TTC7A: variants seen among roughly 807,000 people sequenced by gnomAD.
TTC7A encodes tetratricopeptide repeat protein 7A.
TTC7A carries 110 observed loss-of-function variants against 103.7 expected under a neutral mutation model. The ratio of observed to expected loss-of-function variants is 1.06; its 90% CI spans 0.91 to 1.24. The LOEUF (loss-of-function observed/expected upper bound fraction) is 1.24. Among genes scored for constraint, TTC7A ranks in the 50% most tolerant of loss-of-function variants. TTC7A has a pLI of 0.00. For synonymous variants in TTC7A, 521 were observed against 467.9 expected (o/e 1.11, Z -1.47); for missense variants, 1,340 against 1,116.3 (o/e 1.20, Z -2.86).
chr2:46,992,551 G>A (rs1675739915), intron 5 of TTC7A, among the ~76,000 whole-genome samples: 1 of 152,252 alleles, frequency 6.6e-6, no homozygotes, highest in African/African-American at 2.4e-5. Flanking sequence ...GGAGAAAGGT[G>A]AGGGGCAGGC....
At chr2:46,944,708 T>A (rs1175970563) in intron 1 of TTC7A, among the ~76,000 whole-genome samples, 1 of 152,118 alleles carries the variant, frequency 6.6e-6, no homozygotes, top group Non-Finnish European at 1.5e-5. Flanking sequence ...CCCAGCTAAT[T>A]TTCAAATTTT....
upstream of TTC7A, chr2:46,915,960 G>T (rs1024628156): frequency 8.1e-6 from 8 of 985,332 alleles, no homozygotes; most frequent in Admixed American, 1.8e-4. Flanking sequence ...AGCACTGGCG[G>T]GACTGACGCA....
intron 11 of TTC7A, among the ~76,000 whole-genome samples, chr2:47,012,481 C>T (rs1167886589): frequency 8.5e-5 from 13 of 152,192 alleles, no homozygotes; most frequent in Non-Finnish European, 1.6e-4. Context: ...CACCTTCGGC[C>T]ACCCCCTCAC....
chr2:47,041,480 C>T (rs917577514), intron 15 of TTC7A, among the ~76,000 whole-genome samples: 3 of 152,168 alleles, frequency 2.0e-5, no homozygotes, highest in Admixed American at 6.5e-5. Context: ...ACGCCAGTCG[C>T]GGTGGCTCAA....
chr2:47,066,911 G>T (rs1424840069), intron 19 of TTC7A, among the ~76,000 whole-genome samples: 1 of 152,090 alleles, frequency 6.6e-6, no homozygotes, highest in African/African-American at 2.4e-5. Flanking sequence ...CTTTTTATTT[G>T]GCTCACAGTT....
intron 18 of TTC7A, among the ~76,000 whole-genome samples, chr2:47,054,502 T>C (rs1683151826): frequency 6.6e-6 from 1 of 152,142 alleles, no homozygotes; most frequent in Non-Finnish European, 1.5e-5. Flanking sequence ...TGCCGAGGGC[T>C]CTGGCAGATG....
chr2:47,051,468 G>GA (rs1306745711), intron 17 of TTC7A, among the ~76,000 whole-genome samples: 1 of 152,204 alleles, frequency 6.6e-6, no homozygotes, highest in Non-Finnish European at 1.5e-5. Context: ...TTCACGTAAA[G>GA]AGCATCTTTG....
At chr2:46,943,718 C>G (rs1166953554) in intron 1 of TTC7A, among the ~76,000 whole-genome samples, 1 of 152,192 alleles carries the variant, frequency 6.6e-6, no homozygotes, top group Non-Finnish European at 1.5e-5. Flanking sequence ...GCAGACTCCC[C>G]TGCAGCCCTG....
intron 10 of TTC7A, 81 bp from the exon 11 acceptor site, chr2:47,011,250 T>G: frequency 7.6e-7 from 1 of 1,318,908 alleles, no homozygotes; most frequent in Non-Finnish European, 1.1e-6. Flanking sequence ...AAGGCTTGGT[T>G]GTTTGGGAAG....
rs1682311390 is a variant in TTC7A, at chr2:47,046,313, A to G, written c.1803-2A>G. ...GCTGATGGCCACTCTCCGTCCCCAC[A>G]GCCTGATGTTCACCAAGGTGAAGCT... On this transcript the variant is annotated splice_acceptor_variant, in intron 15 of 19. Transcript: ENST00000319190. LOFTEE classifies it high-confidence loss of function. 3.1e-6 allele frequency: 5 copies of G among 1,613,422 alleles called. No homozygotes were observed. Among genetic ancestry groups the G allele is most frequent in the Non-Finnish European group, 4.2e-6 (5 of 1,179,638 alleles).
chr2:47,071,811 G>A (rs1323164986), intron 19 of TTC7A, among the ~76,000 whole-genome samples: 4 of 152,146 alleles, frequency 2.6e-5, no homozygotes. Context: ...TGATATCAGG[G>A]GTTTTCAGAC....
chr2:46,938,760 T>C (rs1188118887), upstream of TTC7A, among the ~76,000 whole-genome samples: 5 of 152,230 alleles, frequency 3.3e-5, no homozygotes, highest in East Asian at 1.9e-4. Flanking sequence ...ATGCCTGTAA[T>C]CCCAGCACTT....
chr2:46,983,365 T>A (rs913637522), intron 5 of TTC7A, among the ~76,000 whole-genome samples: 1 of 152,160 alleles, frequency 6.6e-6, no homozygotes, highest in East Asian at 1.9e-4. Flanking sequence ...TGAGCTTTGG[T>A]TTCAGAGAAA....
intron 1 of TTC7A, among the ~76,000 whole-genome samples, chr2:46,944,825 G>A (rs1329478316): frequency 6.6e-6 from 1 of 152,118 alleles, no homozygotes; most frequent in Non-Finnish European, 1.5e-5. Flanking sequence ...TCAGGCATGA[G>A]CCACCACACC....
At chr2:47,068,871 AAAAAAAAAAAAAAAAAG>A (rs1391637837) in intron 19 of TTC7A, among the ~76,000 whole-genome samples, 2 of 80,148 alleles carry the variant, frequency 2.5e-5, no homozygotes, top group African/African-American at 1.9e-4. Flanking sequence ...TCAAAAAAAA[AAAAAAAAAAAAAAAAAG>A]AAAGACTCAC....
intron 15 of TTC7A, among the ~76,000 whole-genome samples, chr2:47,036,584 T>C (rs1340847362): frequency 6.6e-6 from 1 of 152,110 alleles, no homozygotes; most frequent in Non-Finnish European, 1.5e-5. Context: ...CTTTTAAAAA[T>C]CATACCCTCT....
chr2:46,928,459 TAAAAAAAAAA>T (rs35897582), intron 2 of TTC7A, among the ~76,000 whole-genome samples: 3 of 81,990 alleles, frequency 3.7e-5, no homozygotes, highest in South Asian at 8.2e-4. Context: ...AAAGGGAAAT[TAAAAAAAAAA>T]AAAAAAAAAA....
At chr2:46,944,661 C>T (rs1670778618) in intron 1 of TTC7A, among the ~76,000 whole-genome samples, 1 of 152,134 alleles carries the variant, frequency 6.6e-6, no homozygotes. Context: ...AGTTCGAGAT[C>T]AGCCCAGGCA....
At chr2:47,000,966 C>T (rs1348144917) in intron 8 of TTC7A, among the ~76,000 whole-genome samples, 2 of 152,104 alleles carry the variant, frequency 1.3e-5, no homozygotes, top group East Asian at 3.9e-4. Flanking sequence ...TGGGCACTTC[C>T]TCGGAGGTAC....
Sources: gnomAD v4.1 joint callset for allele counts (sites outside exome capture counted in the v4.1 genomes callset) on GRCh38, gnomAD v4.1.1 for gene constraint, MANE v1.5 for transcripts, NCBI Gene and HGNC (gene_info 2026-07-23, HGNC 2026-07-21) for gene names.